EPHA3: variants seen among roughly 807,000 people sequenced by gnomAD.
The protein encoded by EPHA3 is ephrin type-A receptor 3.
EPHA3 carries 42 observed loss-of-function variants against 107.1 expected under a neutral mutation model. The observed-to-expected ratio is 0.39, with a 90% CI of 0.31 to 0.51. EPHA3 has a LOEUF of 0.51. Ranked by LOEUF, EPHA3 falls within the 20% of genes least tolerant of loss-of-function variation. The pLI, the probability that EPHA3 is intolerant of heterozygous loss-of-function variation, is 0.78. For synonymous variants in EPHA3, 461 were observed against 424.8 expected (o/e 1.09, Z -1.05); for missense variants, 1,183 against 1,211.2 (o/e 0.98, Z 0.35).
chr3:89,328,048 A>C (rs1184801401), intron 3 of EPHA3, among the ~76,000 whole-genome samples: 2 of 152,054 alleles, frequency 1.3e-5, no homozygotes, highest in Admixed American at 1.3e-4. Context: ...CAGTCAGCCG[A>C]GATCATGCCA....
intron 2 of EPHA3, among the ~76,000 whole-genome samples, chr3:89,203,830 C>T (rs1706034858): frequency 6.6e-6 from 1 of 151,880 alleles, no homozygotes; most frequent in Admixed American, 6.6e-5. Context: ...AACCTTAAAG[C>T]TCCTAGAAGA....
At chr3:89,218,923 G>A (rs963761601) in intron 3 of EPHA3, among the ~76,000 whole-genome samples, 4 of 152,128 alleles carry the variant, frequency 2.6e-5, no homozygotes, top group East Asian at 1.9e-4. Context: ...TCGGTGTGGC[G>A]ATTCCTCAGG....
At chr3:89,165,524 T>C (rs902052536) in intron 2 of EPHA3, among the ~76,000 whole-genome samples, 2 of 152,220 alleles carry the variant, frequency 1.3e-5, no homozygotes, top group African/African-American at 4.8e-5. Context: ...AAAACTTCTG[T>C]GCTCTTCTGT....
At chr3:89,185,583 T>C (rs1705545396) in intron 2 of EPHA3, among the ~76,000 whole-genome samples, 1 of 152,082 alleles carries the variant, frequency 6.6e-6, no homozygotes, top group Non-Finnish European at 1.5e-5. Context: ...GTCTTTTGTA[T>C]CTTCTCTAGG....
intron 3 of EPHA3, among the ~76,000 whole-genome samples, chr3:89,251,603 C>A (rs1705169247): frequency 6.6e-6 from 1 of 152,030 alleles, no homozygotes; most frequent in Non-Finnish European, 1.5e-5. Flanking sequence ...ATGAATCAAT[C>A]TGATTACTAA....
intron 1 of EPHA3, among the ~76,000 whole-genome samples, chr3:89,124,522 T>C (rs1704049169): frequency 6.6e-6 from 1 of 152,108 alleles, no homozygotes; most frequent in Non-Finnish European, 1.5e-5. Context: ...TATGTGCTTT[T>C]AAAGTGTGTT....
intron 5 of EPHA3, among the ~76,000 whole-genome samples, chr3:89,370,300 A>T (rs1345594258): frequency 6.6e-6 from 1 of 151,818 alleles, no homozygotes; most frequent in African/African-American, 2.4e-5. Flanking sequence ...AATGTGGCAC[A>T]TATACACCAT....
chr3:89,183,711 T>G (rs1331044815), intron 2 of EPHA3, among the ~76,000 whole-genome samples: 2 of 152,010 alleles, frequency 1.3e-5, no homozygotes, highest in Admixed American at 1.3e-4. Context: ...ATGTTCCTTT[T>G]GCTTTATGAG....
At chr3:89,393,318 C>T (rs1708782126) in intron 5 of EPHA3, among the ~76,000 whole-genome samples, 1 of 152,154 alleles carries the variant, frequency 6.6e-6, no homozygotes, top group East Asian at 1.9e-4. Flanking sequence ...AGAAATTCAA[C>T]AGTTATAAAG....
intron 5 of EPHA3, among the ~76,000 whole-genome samples, chr3:89,382,499 A>C (rs34468928): frequency 0.32 from 46,099 of 146,090 alleles, 9,070 homozygotes; most frequent in South Asian, 0.53. Flanking sequence ...CAGAGCAAAA[A>C]TTCCATCTCA....
intron 2 of EPHA3, among the ~76,000 whole-genome samples, chr3:89,185,262 C>T (rs905475819): frequency 2.0e-5 from 3 of 151,824 alleles, no homozygotes; most frequent in East Asian, 1.9e-4. Flanking sequence ...TATCAAACAC[C>T]GTTTTAGATT....
intron 15 of EPHA3, among the ~76,000 whole-genome samples, chr3:89,462,055 G>GT (rs1294964453): frequency 3.6e-5 from 1 of 27,904 alleles, no homozygotes; most frequent in East Asian, 9.7e-4. Context: ...TGGCTAGCCA[G>GT]TTTTCCCAGC....
At chr3:89,239,452 A>G (rs1260850223) in intron 3 of EPHA3, among the ~76,000 whole-genome samples, 1 of 152,112 alleles carries the variant, frequency 6.6e-6, no homozygotes, top group South Asian at 2.1e-4. Flanking sequence ...ATAATAATAA[A>G]TCTTACATCT....
intron 2 of EPHA3, among the ~76,000 whole-genome samples, chr3:89,166,702 C>T (rs1310346179): frequency 6.6e-6 from 1 of 152,086 alleles, no homozygotes; most frequent in Non-Finnish European, 1.5e-5. Context: ...TAATTAGTTT[C>T]CAACACAGTG....
chr3:89,383,643 T>TC (rs1708554459), intron 5 of EPHA3, among the ~76,000 whole-genome samples: 5 of 130,474 alleles, frequency 3.8e-5, no homozygotes, highest in African/African-American at 1.5e-4. Context: ...CTTCTTCTTT[T>TC]TTTTTTTTTT....
At chr3:89,446,697 T>C (rs114686855) in intron 13 of EPHA3, among the ~76,000 whole-genome samples, 4,238 of 152,172 alleles carry the variant, frequency 0.028, 201 homozygotes, top group African/African-American at 0.096. Flanking sequence ...CTTTTTTTTT[T>C]CTTTTTTCTT....
intron 3 of EPHA3, among the ~76,000 whole-genome samples, chr3:89,309,020 G>C (rs1706699985): frequency 1.3e-5 from 2 of 152,124 alleles, no homozygotes; most frequent in South Asian, 2.1e-4. Flanking sequence ...AGTAAAATGA[G>C]AGAGTGGTGT....
chr3:89,455,761 C>T (rs1710084913), intron 15 of EPHA3, among the ~76,000 whole-genome samples: 1 of 152,226 alleles, frequency 6.6e-6, no homozygotes, highest in Non-Finnish European at 1.5e-5. Flanking sequence ...TTGCACCTTT[C>T]TTCCTTAAGG....
At chr3:89,249,591 G>T (rs1448189289) in intron 3 of EPHA3, among the ~76,000 whole-genome samples, 1 of 151,970 alleles carries the variant, frequency 6.6e-6, no homozygotes, top group Non-Finnish European at 1.5e-5. Context: ...CTCCCTAGTA[G>T]CTGGGACTAC....
Sources: gnomAD v4.1 joint callset for allele counts (sites outside exome capture counted in the v4.1 genomes callset) on GRCh38, gnomAD v4.1.1 for gene constraint, MANE v1.5 for transcripts, NCBI Gene and HGNC (gene_info 2026-07-23, HGNC 2026-07-21) for gene names.